The following DAGLB variants were observed in gnomAD, a reference collection of about 807,000 sequenced individuals.
The protein encoded by DAGLB is diacylglycerol lipase beta.
Under a neutral mutation model 72.1 loss-of-function variants are expected in DAGLB, and 66 were observed. That is an observed-to-expected ratio of 0.92 (90% confidence interval 0.75 to 1.12). The LOEUF (loss-of-function observed/expected upper bound fraction) is 1.12. Ranked by LOEUF, DAGLB falls within the 50% of genes most tolerant of loss-of-function variation. The pLI, the probability that DAGLB is intolerant of heterozygous loss-of-function variation, is 0.00. For missense variants in DAGLB, 1,065 were observed against 884.9 expected (o/e 1.20, Z -2.58); for synonymous variants, 414 against 359.5 (o/e 1.15, Z -1.71).
rs374211083 is a variant in DAGLB, at chr7:6,434,763, G to A, written c.677C>T (p.Ser226Leu). The part of the protein sequence containing the change: ...STAELFSTYF[S>L]DTDLVPSDIA... ...CCAAACCAGATCCCCTCGGCTTACT[G>A]AAAAGTAGGTTGAGAAAAGCTCTGC... The change falls in exon 4 of 15, where the codon TCA becomes TTA. Residue 226 changes from serine to leucine, a missense_variant and splice_region_variant. Coordinates refer to ENST00000297056, the MANE Select transcript of DAGLB (RefSeq NM_139179.4). 3 of 1,613,990 alleles carry A rather than the reference G, an allele frequency of 1.9e-6. No homozygotes were observed. Among genetic ancestry groups the A allele is most frequent in the Non-Finnish European group, 2.5e-6 (3 of 1,179,982 alleles).
At position 6,429,802 on chromosome 7, in the gene DAGLB, TG is replaced by T. The variant is rs1784421503; in HGVS notation, c.929+677del. 4.6e-5 allele frequency among the ~76,000 whole-genome samples: 7 copies of T among 151,874 alleles called. No individual in the cohort carries two copies. In the South Asian group the frequency reaches 1.5e-3, roughly 32 times the overall value. ...GCTCATGTTTGTAATCCCAGCACTT[TG>T]GGAGGCCGAGGCAGACGGATCACGA... On this transcript the variant is annotated intron_variant, in intron 6 of 14. Transcript: ENST00000297056.
chr7:6,416,728 G>T lies in DAGLB; in HGVS notation c.1326C>A (p.His442Gln). 2 of 1,613,750 alleles carry T rather than the reference G, an allele frequency of 1.2e-6. No individual in the cohort carries two copies. The highest frequency in any genetic ancestry group is 1.7e-6 in the Non-Finnish European group (2 of 1,179,844). The change falls in exon 11 of 15, where the codon CAC (histidine) becomes CAA (glutamine). Residue 442 changes from histidine (H) to glutamine (Q), a missense_variant. Transcript: ENST00000297056. Reference protein sequence around the residue: ...APEYRLVIVGHSLGGGAAALL... With the variant: ...APEYRLVIVGQSLGGGAAALL... ...GGGCGGCCGCCCCGCCCCCGAGGCTGTGGCCCACTATGACCAGCCGGTACT... is the reference window on the plus strand; with the variant it reads ...GGGCGGCCGCCCCGCCCCCGAGGCTTTGGCCCACTATGACCAGCCGGTACT...
intron 8 of DAGLB, among the ~76,000 whole-genome samples, chr7:6,424,501 G>C (rs1208263528): frequency 6.6e-6 from 1 of 152,180 alleles, no homozygotes; most frequent in African/African-American, 2.4e-5. Flanking sequence ...GGTGCCCTCT[G>C]GGAGCTCCTG....
chr7:6,425,446 A>T (rs1784276430), intron 7 of DAGLB, among the ~76,000 whole-genome samples: 1 of 152,002 alleles, frequency 6.6e-6, no homozygotes, highest in South Asian at 2.1e-4. Context: ...TAATTTTTGT[A>T]TTTTTAGTAG....
In DAGLB at chr7:6,436,603, A is replaced by C; in HGVS notation, c.248-70T>G. ...GATGAAGAGCTTCCTTTTTGCAAAA[A>C]TACAGCTTTTGCAGAGCATACATTT... On this transcript the variant is annotated intron_variant, in intron 2 of 14. Coordinates refer to ENST00000297056, the MANE Select transcript of DAGLB (RefSeq NM_139179.4). 1.9e-6 allele frequency: 3 copies of C among 1,597,810 alleles called. No homozygotes were observed. In the South Asian group the frequency reaches 3.4e-5, roughly 18 times the overall value.
intron 8 of DAGLB, among the ~76,000 whole-genome samples, chr7:6,423,517 G>A (rs749997722): frequency 6.6e-6 from 1 of 152,098 alleles, no homozygotes; most frequent in South Asian, 2.1e-4. Flanking sequence ...TCCACCTCCC[G>A]GGTTCAAGCA....
intron 1 of DAGLB, among the ~76,000 whole-genome samples, chr7:6,446,737 G>T (rs540191629): frequency 3.0e-4 from 46 of 151,898 alleles, no homozygotes; most frequent in Admixed American, 6.6e-4. Flanking sequence ...GGCCCGGCAC[G>T]GCGGCTCACG....
intron 9 of DAGLB, among the ~76,000 whole-genome samples, chr7:6,420,001 G>A (rs1784059253): frequency 6.6e-6 from 1 of 152,186 alleles, no homozygotes; most frequent in Non-Finnish European, 1.5e-5. Flanking sequence ...TAGAAAATTA[G>A]CCAGGCATGG....
chr7:6,437,672 G>A (rs1180887744), intron 2 of DAGLB, among the ~76,000 whole-genome samples: 1 of 150,906 alleles, frequency 6.6e-6, no homozygotes, highest in Non-Finnish European at 1.5e-5. Context: ...TTTTTTAGAT[G>A]GAGTCTCACT....
Position 6,426,941 on chromosome 7 carries a change from C to T in DAGLB, c.930-827G>A, listed in dbSNP as rs146369957. 5.0e-3 allele frequency among the ~76,000 whole-genome samples: 754 copies of T among 152,196 alleles called. 2 individuals are homozygous for T. The highest frequency in any genetic ancestry group is 0.017 in the African/African-American group (724 of 41,528). ...TGGCCAACGTGCTGGAACCCCACCTCTACTAAAAATACAAAACTCAGCCAG... is the reference window on the plus strand; with the variant it reads ...TGGCCAACGTGCTGGAACCCCACCTTTACTAAAAATACAAAACTCAGCCAG... On this transcript the variant is annotated intron_variant, in intron 6 of 14. Transcript: ENST00000297056.
At chr7:6,424,198 C>A (rs966382003) in intron 8 of DAGLB, among the ~76,000 whole-genome samples, 7 of 152,198 alleles carry the variant, frequency 4.6e-5, no homozygotes, top group Admixed American at 6.5e-5. Flanking sequence ...AGGAAAGCGT[C>A]ACCTGGCATC....
intron 9 of DAGLB, among the ~76,000 whole-genome samples, chr7:6,420,308 C>T (rs575420054): frequency 1.3e-5 from 2 of 151,946 alleles, no homozygotes; most frequent in African/African-American, 2.4e-5. Flanking sequence ...GGTGTGGTGA[C>T]GTGCGCCTGT....
Position 6,426,092 on chromosome 7 carries a change from A to C in DAGLB, c.952T>G (p.Tyr318Asp), listed in dbSNP as rs1181098101. 1.2e-6 allele frequency: 2 copies of C among 1,613,776 alleles called. No homozygotes were observed. Among genetic ancestry groups the C allele is most frequent in the African/African-American group, 2.7e-5 (2 of 74,924 alleles). Residue 318 changes from tyrosine to aspartate, a missense_variant, in exon 7 of 15, where the codon TAT becomes GAT. Tyr to Asp is a radical substitution (Grantham distance 160). Coordinates refer to ENST00000297056, the MANE Select transcript of DAGLB (RefSeq NM_139179.4). ...GDCCRSRTTD[Y>D]DLVGGDQLNC... ...AGCTGATCGCCTCCGACCAAGTCAT[A>C]GTCTGTGGTTCTGCTTCTGCAGCTA...
intron 2 of DAGLB, among the ~76,000 whole-genome samples, chr7:6,438,030 A>C (rs1784718592): frequency 6.6e-6 from 1 of 152,246 alleles, no homozygotes; most frequent in Non-Finnish European, 1.5e-5. Context: ...AACATAAAGA[A>C]GGATGAGTTC....
intron 8 of DAGLB, among the ~76,000 whole-genome samples, chr7:6,424,148 G>C (rs567572243): frequency 4.7e-4 from 71 of 152,222 alleles, no homozygotes; most frequent in Non-Finnish European, 8.2e-4. Context: ...CTGAGGAGTG[G>C]CCAGGAGGAA....
At chr7:6,417,855 T>C (rs1488024851) in intron 9 of DAGLB, 1 of 152,072 alleles carries the variant, frequency 6.6e-6, no homozygotes, top group African/African-American at 2.4e-5. Context: ...GTAAATAAAA[T>C]TTTATTTATT....
intron 13 of DAGLB, among the ~76,000 whole-genome samples, chr7:6,412,016 G>C (rs537870110): frequency 6.6e-6 from 1 of 152,086 alleles, no homozygotes; most frequent in Non-Finnish European, 1.5e-5. Context: ...CTGGGTTCAA[G>C]CGATTCTTCT....
intron 2 of DAGLB, among the ~76,000 whole-genome samples, chr7:6,443,087 G>A (rs1012289622): frequency 6.6e-6 from 1 of 151,184 alleles, no homozygotes; most frequent in Non-Finnish European, 1.5e-5. Context: ...GGAGGCTGAG[G>A]CAGGAGAATG....
chr7:6,412,165 T>A (rs1783749538), intron 13 of DAGLB, among the ~76,000 whole-genome samples: 2 of 152,152 alleles, frequency 1.3e-5, no homozygotes, highest in Non-Finnish European at 2.9e-5. Context: ...CTGCCTGCCT[T>A]AGCCTCCCAA....
Sources: allele counts gnomAD v4.1 joint callset (sites outside exome capture counted in the v4.1 genomes callset), GRCh38; gene constraint gnomAD v4.1.1; transcripts MANE v1.5; gene names NCBI Gene and HGNC (gene_info 2026-07-23, HGNC 2026-07-21).